ST14: variants seen among roughly 807,000 people sequenced by gnomAD.
ST14 encodes the protein suppressor of tumorigenicity 14 protein.
Under a neutral mutation model 96.5 loss-of-function variants are expected in ST14, and 40 were observed. The ratio of observed to expected loss-of-function variants is 0.41; its 90% CI spans 0.32 to 0.54. The LOEUF (loss-of-function observed/expected upper bound fraction) is 0.54. Among genes scored for constraint, ST14 ranks in the 20% least tolerant of loss-of-function variants. ST14 has a pLI of 0.17. For missense variants in ST14, 1,066 were observed against 1,188.9 expected, an observed-to-expected ratio of 0.90 and a Z score of 1.52; for synonymous variants, 506 against 492.1, an observed-to-expected ratio of 1.03 and a Z score of -0.37.
intron 1 of ST14, among the ~76,000 whole-genome samples, chr11:130,170,303 C>A (rs1157646712): frequency 2.6e-5 from 4 of 152,058 alleles, no homozygotes; most frequent in Admixed American, 1.3e-4. Flanking sequence ...ATTATTCCAG[C>A]CTGCCCTGGG....
At chr11:130,178,379 A>C (rs1565620399) in intron 1 of ST14, among the ~76,000 whole-genome samples, 1 of 90,692 alleles carries the variant, frequency 1.1e-5, no homozygotes, top group Non-Finnish European at 1.8e-5. Flanking sequence ...GAGGTGCCGA[A>C]GTCCTGCTCT....
chr11:130,188,086 C>T lies in ST14; in HGVS notation c.82-28C>T. ...GCAGGGGAAGAGCGGGTGAGAGGGT[C>T]TGAGTGGTGGCGCCTCTCTCCCTGC... On this transcript the variant is annotated intron_variant, in intron 1 of 18. Transcript: ENST00000278742. The surrounding 1 kb of genome is among the most constrained non-coding windows in gnomAD (Gnocchi z 5.4). The T allele has an allele frequency of 1.2e-6, 2 of 1,613,462 alleles. No individual in the cohort carries two copies. The highest frequency in any genetic ancestry group is 1.7e-6 in the Non-Finnish European group (2 of 1,179,736).
intron 1 of ST14, among the ~76,000 whole-genome samples, chr11:130,172,329 C>T (rs1401264118): frequency 6.6e-6 from 1 of 151,374 alleles, no homozygotes; most frequent in Non-Finnish European, 1.5e-5. Context: ...TTGTCTCAAA[C>T]TCCAGGGCTC....
chr11:130,182,360 C>T lies in ST14; in HGVS notation c.82-5754C>T, dbSNP rs546495660. On this transcript the variant is annotated intron_variant, in intron 1 of 18. Coordinates refer to ENST00000278742, the MANE Select transcript of ST14 (RefSeq NM_021978.4). ...AGATGAGGTTTTGCTGTCTCTGTCT[C>T]GCCCAGGCAGGAGGGCAGTGGCATG... Among the ~76,000 whole-genome samples the T allele has an allele frequency of 2.0e-5, 3 of 151,026 alleles. No homozygotes were observed. In the East Asian group the frequency reaches 5.8e-4, roughly 29 times the overall value.
chr11:130,163,754 A>G (rs1953017876), intron 1 of ST14, among the ~76,000 whole-genome samples: 1 of 152,142 alleles, frequency 6.6e-6, no homozygotes, highest in African/African-American at 2.4e-5. Flanking sequence ...CTTGGTCCTG[A>G]GAACACCTGG....
At chr11:130,201,482 A>C (rs1565628067) in intron 16 of ST14, among the ~76,000 whole-genome samples, 1 of 152,270 alleles carries the variant, frequency 6.6e-6, no homozygotes, top group African/African-American at 2.4e-5. Flanking sequence ...GCTCAGACCC[A>C]TGCACAGGGC....
In ST14 at chr11:130,194,242, G is replaced by A; in HGVS notation, c.969G>A (p.Arg323=). The part of the protein sequence containing the change: ...LITLITNTER[R]HPGFEATFFQ... The stretch of plus-strand genomic sequence containing the variant: ...CACTGATAACCAACACTGAGCGGCG[G>A]CATCCCGGCTTTGAGGCCACCTTCT... The change falls in exon 8 of 19, where the codon CGG becomes CGA. Residue 323 remains arginine, a synonymous_variant. Transcript: ENST00000278742. 1 of 1,614,228 alleles carries A rather than the reference G, an allele frequency of 6.2e-7. No homozygotes were observed. The highest frequency in any genetic ancestry group is 8.5e-7 in the Non-Finnish European group (1 of 1,180,048).
chr11:130,160,079 C>A lies in ST14; in HGVS notation c.81+19C>A. ...GCACGAGGTGAGCGCGGGCCGGGGA[C>A]CCGGGGCGCTGGGAAGCTCCTGCCC... On this transcript the variant is annotated intron_variant, in intron 1 of 18. Coordinates refer to ENST00000278742, the MANE Select transcript of ST14 (RefSeq NM_021978.4). The A allele has an allele frequency of 1.4e-6, 2 of 1,412,288 alleles. No homozygotes were observed. Among genetic ancestry groups the A allele is most frequent in the Non-Finnish European group, 1.9e-6 (2 of 1,073,036 alleles). 87.5% of individuals were successfully genotyped at this position (1,412,288 alleles called of 1,614,324 possible).
intron 11 of ST14, among the ~76,000 whole-genome samples, chr11:130,197,293 T>C (rs927974389): frequency 6.6e-6 from 1 of 152,260 alleles, no homozygotes; most frequent in Admixed American, 6.5e-5. Flanking sequence ...GTGACCGAAG[T>C]GTCCCTGTGC....
In ST14 at chr11:130,191,799, C is replaced by T. The variant is rs528984873; in HGVS notation, c.875+1105C>T. ...TTGTTTGAATAATTTCAGTAGGCTC[C>T]GGGGCATAGGAGCTGTCCCTAGTTC... On this transcript the variant is annotated intron_variant, in intron 7 of 18. Coordinates refer to ENST00000278742, the MANE Select transcript of ST14 (RefSeq NM_021978.4). Among the ~76,000 whole-genome samples the T allele has an allele frequency of 9.2e-5, 14 of 151,976 alleles. No individual in the cohort carries two copies. The East Asian group carries it at 9.7e-4, about 11-fold the overall frequency.
intron 1 of ST14, among the ~76,000 whole-genome samples, chr11:130,161,545 C>T (rs1458487877): frequency 3.3e-5 from 5 of 152,184 alleles, no homozygotes; most frequent in Non-Finnish European, 7.4e-5. Flanking sequence ...GCCATCTCAC[C>T]ACCTGACAAG....
rs1953458328 is a variant in ST14, at chr11:130,203,840, AACGGG to A, written c.1994+3704_1994+3708del. On this transcript the variant is annotated intron_variant, in intron 16 of 18. Transcript: ENST00000278742. The stretch of plus-strand genomic sequence containing the variant: ...GCTAATTTTTTGTACTTTTAGTAGA[AACGGG>A]GTTTCACCATGTTAGCCAGGCTGGT... 2.0e-5 allele frequency among the ~76,000 whole-genome samples: 3 copies of A among 152,056 alleles called. No homozygotes were observed. In the South Asian group the frequency reaches 6.2e-4, roughly 32 times the overall value.
chr11:130,163,986 A>G (rs566776429), intron 1 of ST14, among the ~76,000 whole-genome samples: 20 of 152,238 alleles, frequency 1.3e-4, no homozygotes, highest in African/African-American at 4.3e-4. Context: ...CCAGACTACC[A>G]GACTGCCTAC....
At position 130,194,161 on chromosome 11, in the gene ST14, C is replaced by T. The variant is rs200069191; in HGVS notation, c.888C>T (p.Thr296=). ...EPHALVQLCG[T]YPPSYNLTFH... is the part of the protein sequence containing the mutation. ...TCTGCCCCCACAGGTTGTGTGGCACCTACCCTCCCTCCTACAACCTGACCT... is the reference window on the plus strand; with the variant it reads ...TCTGCCCCCACAGGTTGTGTGGCACTTACCCTCCCTCCTACAACCTGACCT... Residue 296 remains threonine, a synonymous_variant, in exon 8 of 19, where the codon ACC becomes ACT. Transcript: ENST00000278742. The T allele has an allele frequency of 2.5e-6, 4 of 1,614,202 alleles. No homozygotes were observed. The Admixed American group carries it at 5.0e-5, about 20-fold the overall frequency.
chr11:130,196,781 G>A (rs537063562), intron 11 of ST14, 81 bp downstream of exon 11: 18 of 1,595,466 alleles, frequency 1.1e-5, no homozygotes, highest in South Asian at 1.1e-4. Context: ...TTAGCATCGT[G>A]CTTTGCTGAT....
At chr11:130,174,170 G>T (rs1333579660) in intron 1 of ST14, among the ~76,000 whole-genome samples, 2 of 152,148 alleles carry the variant, frequency 1.3e-5, no homozygotes, top group African/African-American at 4.8e-5. Context: ...GCAGCCCCAG[G>T]AGCTGCTTTT....
At chr11:130,205,111 A>G (rs1953472378) in intron 16 of ST14, among the ~76,000 whole-genome samples, 2 of 152,184 alleles carry the variant, frequency 1.3e-5, no homozygotes, top group Non-Finnish European at 1.5e-5. Context: ...CAATGAATGA[A>G]AAAAAGGACT....
At chr11:130,184,670 G>T (rs1256810093) in intron 1 of ST14, among the ~76,000 whole-genome samples, 1 of 152,096 alleles carries the variant, frequency 6.6e-6, no homozygotes, top group East Asian at 1.9e-4. Context: ...CTCCACCTTG[G>T]CCCCAAGCAA....
rs1953190439 is a variant in ST14, at chr11:130,181,277, G to C, written c.82-6837G>C. On this transcript the variant is annotated intron_variant, in intron 1 of 18. Transcript: ENST00000278742. This position sits in a 1 kb window ranked among gnomAD's most constrained non-coding sequence, Gnocchi z 4.1. The stretch of plus-strand genomic sequence containing the variant: ...GCCCTTTAGGGTCTGTACCCTGCTT[G>C]TCCTGAGCCCTTTATCCCCAACCTC... 6.6e-6 allele frequency among the ~76,000 whole-genome samples: 1 copy of C among 152,114 alleles called. No individual in the cohort carries two copies. Among genetic ancestry groups the C allele is most frequent in the Non-Finnish European group, 1.5e-5 (1 of 68,024 alleles).
Sources: allele counts gnomAD v4.1 joint callset (sites outside exome capture counted in the v4.1 genomes callset), GRCh38; gene constraint gnomAD v4.1.1; non-coding constraint Gnocchi (gnomAD v3.1); transcripts MANE v1.5; gene names NCBI Gene and HGNC (gene_info 2026-07-23, HGNC 2026-07-21).